The following RGPD3 variants were observed in gnomAD, a reference collection of about 807,000 sequenced individuals.
The protein encoded by RGPD3 is RANBP2 like and GRIP domain containing 3, also known as ranBP2-like and GRIP domain-containing protein 3.
Under a neutral mutation model 154.5 loss-of-function variants are expected in RGPD3, and 62 were observed. That is an observed-to-expected ratio of 0.40 (90% CI 0.33 to 0.50). The LOEUF (loss-of-function observed/expected upper bound fraction) is 0.50. Among genes scored for constraint, RGPD3 ranks in the 20% least tolerant of loss-of-function variants. The pLI, the probability that RGPD3 is intolerant of heterozygous loss-of-function variation, is 0.59. For missense variants in RGPD3, 919 were observed against 1,716.8 expected (o/e 0.54, Z 8.21); for synonymous variants, 308 against 607.0 (o/e 0.51, Z 7.24).
Position 106,424,254 on chromosome 2 carries a change from G to T in RGPD3, c.3713C>A (p.Pro1238His), listed in dbSNP as rs764583955. 72 of 1,611,818 alleles carry T rather than the reference G, an allele frequency of 4.5e-5. No individual in the cohort carries two copies. Among genetic ancestry groups the T allele is most frequent in the Admixed American group, 2.3e-4 (14 of 59,990 alleles). The change falls in exon 20 of 23, where the codon CCC becomes CAC. Residue 1238 changes from proline to histidine, a missense_variant. Physicochemically the swap from Pro to His is moderately conservative, Grantham distance 77. Coordinates refer to ENST00000409886, the MANE Select transcript of RGPD3 (RefSeq NM_001144013.2). ...TGTGGGCCCAGTGTTTTCAGCATTG[G>T]GTTTTATTGTTGTGTCTGAGGCACC... is the stretch of plus-strand genomic sequence containing the variant. ...AAGASDTTIK[P>H]NAENTGPTLE...
At position 106,424,367 on chromosome 2, in the gene RGPD3, A is replaced by G. The variant is rs1408629725; in HGVS notation, c.3600T>C (p.Ser1200=). 1 of 1,611,274 alleles carries G rather than the reference A, an allele frequency of 6.2e-7. No homozygotes were observed. The highest frequency in any genetic ancestry group is 8.5e-7 in the Non-Finnish European group (1 of 1,179,738). Residue 1200 remains serine (S), a synonymous_variant, in exon 20 of 23, where the codon AGT becomes AGC. Coordinates refer to ENST00000409886, the MANE Select transcript of RGPD3 (RefSeq NM_001144013.2). ...AAAATGTTTTGAAATCTTTCAGTCCACTCTTCATTTCTTCAGCTCTCTGTA... is the reference window on the plus strand; with the variant it reads ...AAAATGTTTTGAAATCTTTCAGTCCGCTCTTCATTTCTTCAGCTCTCTGTA... ...KLIQRAEEMK[S]GLKDFKTFLT... is the part of the protein sequence containing the mutation.
At chr2:106,442,022 G>GT (rs960340538) in intron 7 of RGPD3, among the ~76,000 whole-genome samples, 101 of 116,222 alleles carry the variant, frequency 8.7e-4, no homozygotes, top group African/African-American at 2.3e-3. Flanking sequence ...TCTAAAAAAA[G>GT]TTTTTTTTAA....
Position 106,405,069 on chromosome 2 carries a change from C to A in RGPD3, c.*150G>T, listed in dbSNP as rs1459854759. On this transcript the variant is annotated 3_prime_UTR_variant, in exon 23 of 23. Transcript: ENST00000409886. ...ATATATGTAAATGCAAACATATACACACTTTTTGACAAAAGAATGATGGTA... is the reference window on the plus strand; with the variant it reads ...ATATATGTAAATGCAAACATATACAAACTTTTTGACAAAAGAATGATGGTA... 4.8e-6 allele frequency: 4 copies of A among 828,746 alleles called. No individual in the cohort carries two copies. The highest frequency in any genetic ancestry group is 7.7e-6 in the Non-Finnish European group (4 of 522,080). 51.3% of individuals were successfully genotyped at this position (828,746 alleles called of 1,614,324 possible).
rs1558833025 is a variant in RGPD3 at position 106,412,306 on chromosome 2, T to TGTTTTG, written c.5266+777_5266+778insCAAAAC. Among the ~76,000 whole-genome samples the TGTTTTG allele has an allele frequency of 1.6e-4, 13 of 80,180 alleles. No individual in the cohort carries two copies. The South Asian group carries it at 7.1e-3, about 44-fold the overall frequency. 52.6% of individuals were successfully genotyped at this position (80,180 alleles called of 152,430 possible). ...AACTACATCATAGTTTTTTTTTTTTTTTTTTTTTTTTTTTTTTTTTTTTTT... is the reference window on the plus strand; with the variant it reads ...AACTACATCATAGTTTTTTTTTTTTTGTTTTGTTTTTTTTTTTTTTTTTTTTTTTTT... On this transcript the variant is annotated intron_variant, in intron 22 of 22. Coordinates refer to ENST00000409886, the MANE Select transcript of RGPD3 (RefSeq NM_001144013.2).
In RGPD3 at chr2:106,423,713, T is replaced by C; in HGVS notation, c.4254A>G (p.Gln1418=). The change falls in exon 20 of 23, where the codon CAA becomes CAG. Residue 1418 remains glutamine, a synonymous_variant. Coordinates refer to ENST00000409886, the MANE Select transcript of RGPD3 (RefSeq NM_001144013.2). ...NHRITPDMSL[Q]NMKGTERVWV... ...ATACTCTTTCTGTCCCTTTCATATT[T>C]TGCAAACTCATGTCTGGAGTTATTC... is the stretch of plus-strand genomic sequence containing the variant. The C allele has an allele frequency of 6.2e-7, 1 of 1,611,384 alleles. No homozygotes were observed. The highest frequency in any genetic ancestry group is 2.2e-5 in the East Asian group (1 of 44,850).
At chr2:106,411,610 G>C (rs10168610) in intron 22 of RGPD3, among the ~76,000 whole-genome samples, 94,104 of 147,218 alleles carry the variant, frequency 0.64, 30,714 homozygotes, top group East Asian at 0.89. Flanking sequence ...GGGCAGATCA[G>C]AAGATCAGGA....
intron 20 of RGPD3, 78 bp from the exon 21 acceptor site, chr2:106,416,067 T>C (rs1676819651): frequency 6.4e-7 from 1 of 1,556,830 alleles, no homozygotes; most frequent in Non-Finnish European, 8.7e-7. Context: ...AAAATCTAAA[T>C]ATAAATATCT....
intron 8 of RGPD3, 112 bp downstream of exon 8, chr2:106,441,181 G>A: frequency 1.3e-6 from 2 of 1,507,314 alleles, no homozygotes; most frequent in African/African-American, 1.4e-5. Flanking sequence ...ACGGCGAAAA[G>A]AAATAATTTT....
At chr2:106,467,732 G>T (rs1678674686) in intron 1 of RGPD3, among the ~76,000 whole-genome samples, 1 of 142,980 alleles carries the variant, frequency 7.0e-6, no homozygotes, top group African/African-American at 2.7e-5. Context: ...CGCCTCAACA[G>T]AGCGCGCCAG....
intron 1 of RGPD3, among the ~76,000 whole-genome samples, chr2:106,463,763 G>A (rs1678475469): frequency 6.6e-6 from 1 of 152,104 alleles, no homozygotes; most frequent in Non-Finnish European, 1.5e-5. Flanking sequence ...AGCTGAAATT[G>A]AACGGATTAT....
Position 106,403,630 on chromosome 2 carries a change from C to G in RGPD3, c.*1589G>C, listed in dbSNP as rs867953442. ...AAATATATTTAAATATGATTAGTTA[C>G]ATCGTATGCAGCTGGCATACTCATA... On this transcript the variant is annotated 3_prime_UTR_variant, in exon 23 of 23. Transcript: ENST00000409886. Among the ~76,000 whole-genome samples the G allele has an allele frequency of 6.6e-6, 1 of 152,282 alleles. No homozygotes were observed. Among genetic ancestry groups the G allele is most frequent in the Non-Finnish European group, 1.5e-5 (1 of 68,056 alleles).
chr2:106,441,533 C>T (rs543877088), intron 7 of RGPD3, among the ~76,000 whole-genome samples, 153 bp from the exon 8 acceptor site: 1 of 151,602 alleles, frequency 6.6e-6, no homozygotes, highest in African/African-American at 2.4e-5. Flanking sequence ...AAACTGGGAA[C>T]CAAGGAATTT....
rs868535155 is a variant in RGPD3 at position 106,467,615 on chromosome 2, G to A, written c.72+602C>T. Among the ~76,000 whole-genome samples the A allele has an allele frequency of 2.0e-3, 290 of 143,380 alleles. 7 individuals carry two copies. Among genetic ancestry groups the A allele is most frequent in the African/African-American group, 7.1e-3 (260 of 36,862 alleles). 94.1% of individuals were successfully genotyped at this position (143,380 alleles called of 152,430 possible). A position where few individuals can be genotyped will look rare whatever the true frequency, so the allele number is the denominator to read the frequency against. On this transcript the variant is annotated intron_variant, in intron 1 of 22. Coordinates refer to ENST00000409886, the MANE Select transcript of RGPD3 (RefSeq NM_001144013.2). ...GCCTGAGCCATCAAGGCAGCCGCCG[G>A]GCCGGGTCGAGGCAGCCGCCTCCAC...
intron 22 of RGPD3, 109 bp from the exon 23 acceptor site, chr2:106,405,338 A>C (rs1364948838): frequency 1.0e-5 from 12 of 1,144,192 alleles, no homozygotes; most frequent in Non-Finnish European, 1.5e-5. Context: ...TGTCTTTTTT[A>C]CTGATCACAT....
chr2:106,449,087 T>C (rs1264728783), intron 6 of RGPD3, among the ~76,000 whole-genome samples: 1 of 151,716 alleles, frequency 6.6e-6, no homozygotes. Flanking sequence ...AAGCGAGACA[T>C]TAAAAAGATT....
At chr2:106,406,996 C>T (rs1417357069) in intron 22 of RGPD3, among the ~76,000 whole-genome samples, 2 of 151,546 alleles carry the variant, frequency 1.3e-5, no homozygotes, top group African/African-American at 2.4e-5. Flanking sequence ...ATATTTATTT[C>T]ACAGTTTCTG....
chr2:106,450,743 G>T (rs1678091028), intron 6 of RGPD3, among the ~76,000 whole-genome samples: 1 of 115,786 alleles, frequency 8.6e-6, no homozygotes, highest in Non-Finnish European at 1.7e-5. Flanking sequence ...AAATTAGCCA[G>T]GTGTGGTGTC....
intron 7 of RGPD3, among the ~76,000 whole-genome samples, chr2:106,442,607 C>T (rs1401681700): frequency 3.5e-5 from 4 of 114,334 alleles, no homozygotes; most frequent in Non-Finnish European, 5.4e-5. Flanking sequence ...AGAAACAAGA[C>T]CAACAGGTAG....
chr2:106,464,818 G>C (rs371851938), intron 1 of RGPD3, among the ~76,000 whole-genome samples: 42 of 152,028 alleles, frequency 2.8e-4, no homozygotes, highest in East Asian at 1.6e-3. Context: ...CTGCCTCCAG[G>C]GTTCAAGCAA....
Sources: allele counts gnomAD v4.1 joint callset (sites outside exome capture counted in the v4.1 genomes callset), GRCh38; gene constraint gnomAD v4.1.1; transcripts MANE v1.5; gene names NCBI Gene and HGNC (gene_info 2026-07-23, HGNC 2026-07-21).